The following SNTG1 variants were observed in gnomAD, a reference collection of about 807,000 sequenced individuals.
SNTG1 encodes the protein syntrophin gamma 1.
In SNTG1, 39 loss-of-function variants were observed where a neutral mutation model predicts 74.7. The ratio of observed to expected loss-of-function variants is 0.52; its 90% CI spans 0.40 to 0.68. The LOEUF is 0.68. Ranked by LOEUF, SNTG1 falls within the 30% of genes least tolerant of loss-of-function variation. The probability of loss-of-function intolerance (pLI) is 0.00; values close to 1 mark genes in which losing one functional copy is unlikely to be tolerated. For missense variants in SNTG1, 685 were observed against 609.5 expected (o/e 1.12, Z -1.30); for synonymous variants, 254 against 217.1 (o/e 1.17, Z -1.49).
intron 2 of SNTG1, among the ~76,000 whole-genome samples, chr8:50,236,092 G>T (rs1396309096): frequency 6.6e-6 from 1 of 152,028 alleles, no homozygotes; most frequent in Non-Finnish European, 1.5e-5. Flanking sequence ...ATGGAGGAGA[G>T]GTTGTGCCAC....
intron 1 of SNTG1, among the ~76,000 whole-genome samples, chr8:50,146,417 C>T (rs2081868063): frequency 6.6e-6 from 1 of 152,096 alleles, no homozygotes; most frequent in Non-Finnish European, 1.5e-5. Context: ...ACTTGGGAGG[C>T]TGAGACAGGA....
chr8:50,704,467 A>C, intron 15 of SNTG1, 133 bp from the exon 16 acceptor site: 1 of 1,092,670 alleles, frequency 9.2e-7, no homozygotes, highest in Non-Finnish European at 1.4e-6. Context: ...TATAATGTCT[A>C]ATGAAGACTT....
chr8:50,358,838 G>A (rs947166093), intron 2 of SNTG1, among the ~76,000 whole-genome samples: 9 of 152,120 alleles, frequency 5.9e-5, no homozygotes, highest in African/African-American at 1.9e-4. Context: ...TTCAAGTTCA[G>A]ACCATCATCA....
chr8:50,476,254 A>G (rs1256689840), intron 8 of SNTG1, among the ~76,000 whole-genome samples: 1 of 152,182 alleles, frequency 6.6e-6, no homozygotes, highest in Admixed American at 6.5e-5. Flanking sequence ...TGCCTAGTAT[A>G]TCAATTAAAC....
chr8:50,470,649 C>A (rs1488184518), intron 8 of SNTG1, among the ~76,000 whole-genome samples: 1 of 152,040 alleles, frequency 6.6e-6, no homozygotes, highest in Non-Finnish European at 1.5e-5. Flanking sequence ...AAATGTGGTG[C>A]GTCCGGAGTT....
intron 12 of SNTG1, among the ~76,000 whole-genome samples, chr8:50,575,118 C>A (rs1004660057): frequency 4.6e-5 from 7 of 152,100 alleles, no homozygotes; most frequent in Non-Finnish European, 1.0e-4. Flanking sequence ...GCAATTATGT[C>A]AGACCTAGTC....
At chr8:50,282,618 TAGTC>T (rs1387006299) in intron 2 of SNTG1, among the ~76,000 whole-genome samples, 1 of 151,028 alleles carries the variant, frequency 6.6e-6, no homozygotes, top group Non-Finnish European at 1.5e-5. Context: ...AAAAAAAAAT[TAGTC>T]AGGCATGGTG....
At chr8:50,673,226 A>G (rs1259530771) in intron 15 of SNTG1, among the ~76,000 whole-genome samples, 1 of 152,156 alleles carries the variant, frequency 6.6e-6, no homozygotes, top group African/African-American at 2.4e-5. Flanking sequence ...TGTCAATGAT[A>G]GTTGGATGGG....
intron 1 of SNTG1, among the ~76,000 whole-genome samples, chr8:49,924,531 G>A (rs1478721376): frequency 2.6e-5 from 4 of 152,108 alleles, no homozygotes; most frequent in Non-Finnish European, 4.4e-5. Flanking sequence ...GGCTAACATA[G>A]CATTGTGATA....
At chr8:50,788,418 T>C (rs11777863) in intron 18 of SNTG1, among the ~76,000 whole-genome samples, 2 of 151,548 alleles carry the variant, frequency 1.3e-5, no homozygotes, top group Admixed American at 6.6e-5. Context: ...CATGTTACTG[T>C]GGGAAACAGG....
intron 1 of SNTG1, among the ~76,000 whole-genome samples, chr8:50,009,621 C>A (rs962023099): frequency 3.3e-4 from 50 of 152,046 alleles, no homozygotes; most frequent in African/African-American, 1.2e-3. Flanking sequence ...TTCATTGTTG[C>A]CAATCTTCCA....
At chr8:50,111,272 C>G (rs1009492537) in intron 1 of SNTG1, among the ~76,000 whole-genome samples, 21 of 152,226 alleles carry the variant, frequency 1.4e-4, no homozygotes, top group South Asian at 2.1e-4. Flanking sequence ...CTCTACCCCC[C>G]CAATATAATG....
chr8:50,219,694 G>A (rs988125190), intron 2 of SNTG1, among the ~76,000 whole-genome samples: 2 of 152,136 alleles, frequency 1.3e-5, no homozygotes, highest in African/African-American at 4.8e-5. Flanking sequence ...CATGAGAACA[G>A]CAAGCAGAAA....
chr8:50,709,310 T>A (rs548819089), intron 17 of SNTG1: 4 of 333,522 alleles, frequency 1.2e-5, no homozygotes, highest in Non-Finnish European at 2.1e-5. Flanking sequence ...AAGCAGTTTT[T>A]AAAAAACATG....
intron 1 of SNTG1, among the ~76,000 whole-genome samples, chr8:49,997,772 C>T (rs146560122): frequency 4.7e-4 from 72 of 152,156 alleles, no homozygotes; most frequent in Non-Finnish European, 8.2e-4. Flanking sequence ...GCATCTTGAT[C>T]TTGAGATCTT....
intron 1 of SNTG1, among the ~76,000 whole-genome samples, chr8:50,042,422 C>T (rs184271676): frequency 6.6e-4 from 100 of 152,218 alleles, no homozygotes; most frequent in East Asian, 2.3e-3. Context: ...AAAACTTCCG[C>T]GGGCTGGGAG....
chr8:50,522,933 T>C (rs2094191937), intron 9 of SNTG1, among the ~76,000 whole-genome samples: 1 of 152,196 alleles, frequency 6.6e-6, no homozygotes, highest in African/African-American at 2.4e-5. Flanking sequence ...TATGAGGCTA[T>C]TTAATGGATA....
At chr8:50,482,536 C>T (rs887567987) in intron 8 of SNTG1, among the ~76,000 whole-genome samples, 3 of 152,166 alleles carry the variant, frequency 2.0e-5, no homozygotes, top group African/African-American at 7.2e-5. Context: ...ACTCATTCCT[C>T]TAAAATCTCT....
At chr8:50,171,293 G>A (rs1027830624) in intron 1 of SNTG1, among the ~76,000 whole-genome samples, 5 of 152,094 alleles carry the variant, frequency 3.3e-5, no homozygotes, top group Non-Finnish European at 7.4e-5. Context: ...CAATCACAGT[G>A]TCCCACAATA....
Sources: allele counts gnomAD v4.1 joint callset (sites outside exome capture counted in the v4.1 genomes callset), GRCh38; gene constraint gnomAD v4.1.1; transcripts MANE v1.5; gene names NCBI Gene and HGNC (gene_info 2026-07-23, HGNC 2026-07-21).